SPOCK1: variants seen among roughly 807,000 people sequenced by gnomAD.
SPOCK1 encodes SPARC (osteonectin), cwcv and kazal like domains proteoglycan 1.
A neutral mutation model predicts 55.3 loss-of-function variants in SPOCK1; 23 were observed. The observed-to-expected ratio is 0.42, with a 90% CI of 0.30 to 0.59. SPOCK1 has a LOEUF of 0.59. Among genes scored for constraint, SPOCK1 ranks in the 20% least tolerant of loss-of-function variants. The pLI is 0.22. For synonymous variants in SPOCK1, 226 were observed against 221.0 expected, an observed-to-expected ratio of 1.02 and a Z score of -0.20; for missense variants, 499 against 552.5, an observed-to-expected ratio of 0.90 and a Z score of 0.97.
chr5:137,405,167 G>C (rs1752070927), intron 2 of SPOCK1, among the ~76,000 whole-genome samples: 1 of 152,240 alleles, frequency 6.6e-6, no homozygotes, highest in African/African-American at 2.4e-5. Flanking sequence ...GAGATCAGAA[G>C]TTATTCTGAA....
chr5:137,039,504 G>A (rs1052018332), intron 6 of SPOCK1, among the ~76,000 whole-genome samples: 8 of 152,096 alleles, frequency 5.3e-5, no homozygotes, highest in African/African-American at 1.9e-4. Flanking sequence ...CTTTGCAGAA[G>A]ACTCAAGTTG....
At chr5:137,339,802 C>G (rs1243558056) in intron 2 of SPOCK1, among the ~76,000 whole-genome samples, 1 of 152,166 alleles carries the variant, frequency 6.6e-6, no homozygotes, top group East Asian at 1.9e-4. Context: ...CCCTGATTCA[C>G]TGTAGACTAT....
chr5:137,162,497 T>C (rs1157530434), intron 3 of SPOCK1, among the ~76,000 whole-genome samples: 3 of 152,122 alleles, frequency 2.0e-5, no homozygotes, highest in Non-Finnish European at 1.5e-5. Flanking sequence ...AGAGATGATT[T>C]TTCCCTTTCC....
chr5:137,229,358 G>A (rs760087840), intron 3 of SPOCK1, among the ~76,000 whole-genome samples: 1 of 152,158 alleles, frequency 6.6e-6, no homozygotes, highest in Non-Finnish European at 1.5e-5. Context: ...AAAACAAACA[G>A]CTAAAAGGGG....
At chr5:136,999,540 A>G (rs1751108660) in intron 6 of SPOCK1, among the ~76,000 whole-genome samples, 1 of 152,136 alleles carries the variant, frequency 6.6e-6, no homozygotes, top group African/African-American at 2.4e-5. Flanking sequence ...CAAAGGCTAT[A>G]ACTGGTGTTC....
chr5:137,278,427 C>G (rs1757109458), intron 2 of SPOCK1, among the ~76,000 whole-genome samples: 1 of 152,166 alleles, frequency 6.6e-6, no homozygotes, highest in South Asian at 2.1e-4. Context: ...ACAAATGGAC[C>G]CACATTCCTG....
intron 2 of SPOCK1, among the ~76,000 whole-genome samples, chr5:137,283,348 G>T (rs372534255): frequency 6.6e-6 from 1 of 152,140 alleles, no homozygotes; most frequent in African/African-American, 2.4e-5. Context: ...CTTCTACTAG[G>T]GTGTCTGCCT....
chr5:137,382,845 T>C (rs781520092), intron 2 of SPOCK1, among the ~76,000 whole-genome samples: 13 of 152,184 alleles, frequency 8.5e-5, no homozygotes, highest in South Asian at 4.1e-4. Context: ...AGCTTAAACA[T>C]ATTCACCTTA....
chr5:137,336,943 C>A (rs2127153967), intron 2 of SPOCK1, among the ~76,000 whole-genome samples: 1 of 152,248 alleles, frequency 6.6e-6, no homozygotes, highest in East Asian at 1.9e-4. Flanking sequence ...AGCAGAGCCT[C>A]CAGAGTGAAT....
chr5:137,263,406 C>T (rs1343503055), intron 3 of SPOCK1, among the ~76,000 whole-genome samples: 2 of 152,168 alleles, frequency 1.3e-5, no homozygotes, highest in African/African-American at 2.4e-5. Flanking sequence ...CTGAGTTTGT[C>T]AGGCGCCAGT....
chr5:137,264,222 G>A (rs1174356694), intron 3 of SPOCK1, among the ~76,000 whole-genome samples: 3 of 152,090 alleles, frequency 2.0e-5, no homozygotes, highest in Non-Finnish European at 2.9e-5. Context: ...ACATCATTTA[G>A]CAAGTATGTT....
intron 2 of SPOCK1, among the ~76,000 whole-genome samples, chr5:137,494,519 T>C (rs1754256067): frequency 6.6e-6 from 1 of 152,216 alleles, no homozygotes; most frequent in African/African-American, 2.4e-5. Context: ...AGTGAGATAA[T>C]ACATGGAAAG....
chr5:137,449,584 C>T (rs896705924), intron 2 of SPOCK1, among the ~76,000 whole-genome samples: 2 of 152,034 alleles, frequency 1.3e-5, no homozygotes, highest in East Asian at 1.9e-4. Flanking sequence ...TGAGGCAAAA[C>T]CCATGTCTAA....
At chr5:137,252,726 TAAG>T (rs965212312) in intron 3 of SPOCK1, among the ~76,000 whole-genome samples, 1 of 152,236 alleles carries the variant, frequency 6.6e-6, no homozygotes, top group African/African-American at 2.4e-5. Flanking sequence ...TCTAAAAATG[TAAG>T]AAGTTGTTAC....
chr5:137,425,934 A>G (rs1418850281), intron 2 of SPOCK1, among the ~76,000 whole-genome samples: 2 of 148,558 alleles, frequency 1.3e-5, no homozygotes, highest in Non-Finnish European at 3.0e-5. Flanking sequence ...GTATGCATTC[A>G]TCTTCTATAT....
At chr5:137,143,333 G>A (rs558040656) in intron 3 of SPOCK1, among the ~76,000 whole-genome samples, 104 of 152,286 alleles carry the variant, frequency 6.8e-4, no homozygotes, top group African/African-American at 2.4e-3. Context: ...ATCCAACTTT[G>A]TTAACATGCC....
At chr5:137,328,520 C>T (rs554698063) in intron 2 of SPOCK1, among the ~76,000 whole-genome samples, 109 of 152,288 alleles carry the variant, frequency 7.2e-4, no homozygotes, top group African/African-American at 2.6e-3. Context: ...CATTTAACGC[C>T]GTGCCAGGCC....
rs148762256 is a variant in SPOCK1, at chr5:137,384,626, G to A, written c.186+113747C>T. On this transcript the variant is annotated intron_variant, in intron 2 of 10. Coordinates refer to ENST00000394945, the MANE Select transcript of SPOCK1 (RefSeq NM_004598.4). The stretch of plus-strand genomic sequence containing the variant: ...TGGAGGCCAGAAGCTCACAATTAAT[G>A]TGCCCAGCAGAGTCCCTCTGAAGTT... 1.4e-3 allele frequency among the ~76,000 whole-genome samples: 212 copies of A among 149,272 alleles called. 1 individual carries two copies. Among genetic ancestry groups the A allele is most frequent in the African/African-American group, 5.3e-3 (207 of 39,132 alleles).
chr5:137,366,474 C>T (rs1357703752), intron 2 of SPOCK1, among the ~76,000 whole-genome samples: 1 of 152,130 alleles, frequency 6.6e-6, no homozygotes, highest in Non-Finnish European at 1.5e-5. Flanking sequence ...TTGCCTGTGA[C>T]CACCCCACCA....
Sources: allele counts gnomAD v4.1 joint callset (sites outside exome capture counted in the v4.1 genomes callset), GRCh38; gene constraint gnomAD v4.1.1; transcripts MANE v1.5; gene names NCBI Gene and HGNC (gene_info 2026-07-23, HGNC 2026-07-21).